Variants in SETD7 observed in about 807,000 individuals in gnomAD.
SETD7 encodes histone-lysine N-methyltransferase SETD7.
In SETD7, 16 loss-of-function variants were observed where a neutral mutation model predicts 41.8. The observed-to-expected ratio is 0.38, with a 90% CI of 0.26 to 0.58. The LOEUF is 0.58. Among genes scored for constraint, SETD7 ranks in the 20% least tolerant of loss-of-function variants. SETD7 has a pLI of 0.64. For synonymous variants in SETD7, 163 were observed against 169.7 expected (o/e 0.96, Z 0.31); for missense variants, 346 against 459.7 (o/e 0.75, Z 2.26).
At chr4:139,522,253 GGGAGGT>G (rs1457079388) in intron 5 of SETD7, among the ~76,000 whole-genome samples, 10 of 152,176 alleles carry the variant, frequency 6.6e-5, no homozygotes, top group African/African-American at 1.9e-4. Context: ...GAAACTGAAT[GGGAGGT>G]AAGCCATGCT....
chr4:139,521,568 T>C (rs1184280609), intron 5 of SETD7, among the ~76,000 whole-genome samples: 1 of 152,254 alleles, frequency 6.6e-6, no homozygotes, highest in African/African-American at 2.4e-5. Flanking sequence ...AAGACTGATT[T>C]ATTGCTTTCA....
intron 1 of SETD7, among the ~76,000 whole-genome samples, chr4:139,553,106 A>G (rs1005185532): frequency 2.0e-5 from 3 of 152,148 alleles, no homozygotes; most frequent in African/African-American, 7.2e-5. Flanking sequence ...AGCACAGCCA[A>G]CACAGTACAC....
At chr4:139,496,084 C>G in exon 8 of SETD7, 1 of 289,020 alleles carries the variant, frequency 3.5e-6, no homozygotes, top group Non-Finnish European at 6.4e-6. Context: ...CTTCACTTCC[C>G]TTATCTCCCA....
intron 7 of SETD7, among the ~76,000 whole-genome samples, chr4:139,512,750 T>A (rs1333835751): frequency 1.7e-5 from 2 of 117,184 alleles, no homozygotes; most frequent in East Asian, 5.5e-4. Context: ...TTTTTTCTTA[T>A]TCTTTTTTTT....
At position 139,508,653 on chromosome 4, in the gene SETD7, C is replaced by A. The variant is rs1440057821; in HGVS notation, c.*3010G>T. The A allele has an allele frequency of 6.6e-6, 1 of 152,184 alleles. No homozygotes were observed. The highest frequency in any genetic ancestry group is 1.5e-5 in the Non-Finnish European group (1 of 68,044). The allele number at this position is 152,184 out of a possible 1,614,324, so 9.4% of individuals were successfully genotyped here. A position where few individuals can be genotyped will look rare whatever the true frequency, so the allele number is the denominator to read the frequency against. ...AGGCTCCCGCTGTTTTTCAGGAGAG[C>A]ATAAAGTTATTTCTTTATTCCCCAC... On this transcript the variant is annotated 3_prime_UTR_variant, in exon 8 of 8. Coordinates refer to ENST00000274031, the MANE Select transcript of SETD7 (RefSeq NM_030648.4).
chr4:139,553,948 C>A (rs888272906), intron 1 of SETD7, among the ~76,000 whole-genome samples: 4 of 152,172 alleles, frequency 2.6e-5, no homozygotes, highest in Admixed American at 6.5e-5. Context: ...AATGGCTGGA[C>A]AAGAGTGCAC....
Position 139,555,965 on chromosome 4 carries a change from C to T in SETD7, c.40+133G>A. ...GTGGCTGTCGGGCCCCCGCCCGAGC[C>T]GGGCAACCGGCCACCCGTGTAGGGG... is the stretch of plus-strand genomic sequence containing the variant. On this transcript the variant is annotated intron_variant, in intron 1 of 7. Transcript: ENST00000274031. This position sits in a 1 kb window ranked among gnomAD's most constrained non-coding sequence, Gnocchi z 4.0. 1.3e-6 allele frequency: 1 copy of T among 794,610 alleles called. No individual in the cohort carries two copies. The highest frequency in any genetic ancestry group is 5.9e-5 in the South Asian group (1 of 16,928). The allele number at this position is 794,610 out of a possible 1,614,324, so 49.2% of individuals were successfully genotyped here.
rs1727407733 is a variant in SETD7 at position 139,529,042 on chromosome 4, A to T, written c.551T>A (p.Leu184Gln). 5 of 1,613,486 alleles carry T rather than the reference A, an allele frequency of 3.1e-6. No homozygotes were observed. Among genetic ancestry groups the T allele is most frequent in the Non-Finnish European group, 4.2e-6 (5 of 1,179,864 alleles). The change falls in exon 4 of 8, where the codon CTG (leucine) becomes CAG (glutamine). Residue 184 changes from leucine to glutamine, a missense_variant. Around this residue, in one of 3 missense-constraint regions of SETD7, gnomAD observed 266 missense variants for 377.0 expected, o/e 0.71. Transcript: ENST00000274031. Reference protein sequence around the residue: ...STEEGRPHFELMPGNSVYHFD... With the variant: ...STEEGRPHFEQMPGNSVYHFD... ...CAGATTCAACTTACTTCCAGGCATC[A>T]GTTCAAAGTGAGGCCTCCCTTCTTC...
At chr4:139,541,966 C>T (rs117484489) in intron 2 of SETD7, among the ~76,000 whole-genome samples, 2,762 of 152,094 alleles carry the variant, frequency 0.018, 34 homozygotes, top group Middle Eastern at 0.034. Context: ...TTCACAACAG[C>T]CAAGATATGA....
downstream of SETD7, among the ~76,000 whole-genome samples, chr4:139,501,072 G>A (rs1235431648): frequency 6.6e-6 from 1 of 151,976 alleles, no homozygotes; most frequent in African/African-American, 2.4e-5. Context: ...CACCCCTCTT[G>A]GCCCTGCACA....
At chr4:139,497,588 T>C (rs1035355205) in intron 7 of SETD7, among the ~76,000 whole-genome samples, 2 of 150,596 alleles carry the variant, frequency 1.3e-5, no homozygotes, top group Admixed American at 6.6e-5. Flanking sequence ...TTTGTTTTTT[T>C]GTTTTTTTGT....
intron 6 of SETD7, among the ~76,000 whole-genome samples, chr4:139,519,238 A>C (rs1727113705): frequency 6.6e-6 from 1 of 152,212 alleles, no homozygotes; most frequent in Admixed American, 6.5e-5. Flanking sequence ...TTAGGGCAAG[A>C]AGGGTGTCAC....
intron 7 of SETD7, among the ~76,000 whole-genome samples, chr4:139,515,538 G>A (rs1255097225): frequency 6.6e-6 from 1 of 152,196 alleles, no homozygotes; most frequent in Non-Finnish European, 1.5e-5. Flanking sequence ...CCTTTAAAGG[G>A]TTGTTGTTAA....
At chr4:139,546,783 T>C in intron 2 of SETD7, 137 bp downstream of exon 2, 1 of 1,168,142 alleles carries the variant, frequency 8.6e-7, no homozygotes, top group Non-Finnish European at 1.2e-6. Context: ...ACCAAAGCAG[T>C]GCCTACAGGT....
chr4:139,528,256 A>G (rs1394554118), intron 4 of SETD7, among the ~76,000 whole-genome samples: 3 of 152,212 alleles, frequency 2.0e-5, no homozygotes, highest in African/African-American at 4.8e-5. Context: ...TTTTTCAAAT[A>G]TGGATTCCAT....
At chr4:139,540,252 T>C (rs1727745123) in intron 2 of SETD7, among the ~76,000 whole-genome samples, 1 of 152,202 alleles carries the variant, frequency 6.6e-6, no homozygotes, top group Non-Finnish European at 1.5e-5. Context: ...TTCTTCTGAA[T>C]TGATTCCTCA....
At position 139,549,977 on chromosome 4, in the gene SETD7, A is replaced by C. The variant is rs566486741; in HGVS notation, c.41-2928T>G. Reference sequence around the variant, plus strand: ...GTATTTTTAGTAGAGATGAGGTTTCACTATATTGGCCAGGCTGGTCTCGAA... The same window carrying C: ...GTATTTTTAGTAGAGATGAGGTTTCCCTATATTGGCCAGGCTGGTCTCGAA... On this transcript the variant is annotated intron_variant, in intron 1 of 7. Coordinates refer to ENST00000274031, the MANE Select transcript of SETD7 (RefSeq NM_030648.4). Among the ~76,000 whole-genome samples, 4 of 152,018 alleles carry C rather than the reference A, an allele frequency of 2.6e-5. No homozygotes were observed. The South Asian group carries it at 8.3e-4, about 32-fold the overall frequency.
intron 6 of SETD7, 110 bp from the exon 7 acceptor site, chr4:139,518,152 G>C: frequency 2.5e-6 from 3 of 1,217,736 alleles, no homozygotes; most frequent in Non-Finnish European, 3.3e-6. Flanking sequence ...TTTTGAGACA[G>C]GGTCTCACTC....
In SETD7 at chr4:139,507,217, C is replaced by A. The variant is rs184257337; in HGVS notation, c.*4446G>T. The A allele has an allele frequency of 5.9e-4, 90 of 152,792 alleles. No individual in the cohort carries two copies. The highest frequency in any genetic ancestry group is 1.9e-3 in the African/African-American group (78 of 41,572). 9.5% of individuals were successfully genotyped at this position (152,792 alleles called of 1,614,324 possible). The stretch of plus-strand genomic sequence containing the variant: ...TCTGCTGCCCTGCAAAGAAATTGTG[C>A]TCCAGATAACTGCACCGGTGTCTCT... On this transcript the variant is annotated 3_prime_UTR_variant, in exon 8 of 8. Coordinates refer to ENST00000274031, the MANE Select transcript of SETD7 (RefSeq NM_030648.4).
Sources: gnomAD v4.1 joint callset for allele counts (sites outside exome capture counted in the v4.1 genomes callset) on GRCh38, gnomAD v4.1.1 for gene constraint, gnomAD v4.1.1 regional missense constraint, Gnocchi (gnomAD v3.1) non-coding constraint, MANE v1.5 for transcripts, NCBI Gene and HGNC (gene_info 2026-07-23, HGNC 2026-07-21) for gene names.